TRAF3IP1: variants seen among roughly 807,000 people sequenced by gnomAD.
The protein encoded by TRAF3IP1 is intraflagellar transport 54.
TRAF3IP1 carries 53 observed loss-of-function variants against 89.9 expected under a neutral mutation model. The ratio of observed to expected loss-of-function variants is 0.59; its 90% confidence interval spans 0.47 to 0.74. The LOEUF (loss-of-function observed/expected upper bound fraction) is 0.74. TRAF3IP1 is among the 30% of genes least tolerant of loss of function. The pLI, the probability that TRAF3IP1 is intolerant of heterozygous loss-of-function variation, is 0.00. For missense variants in TRAF3IP1, 806 were observed against 866.1 expected (o/e 0.93, Z 0.87); for synonymous variants, 311 against 322.1 (o/e 0.97, Z 0.37).
intron 15 of TRAF3IP1, among the ~76,000 whole-genome samples, chr2:238,387,615 T>C (rs549553837): frequency 2.6e-5 from 4 of 152,330 alleles, no homozygotes; most frequent in Non-Finnish European, 5.9e-5. Flanking sequence ...TATTGGGACA[T>C]ATATAAGATT....
At chr2:238,365,056 T>A (rs1001413985) in intron 15 of TRAF3IP1, among the ~76,000 whole-genome samples, 1 of 152,256 alleles carries the variant, frequency 6.6e-6, no homozygotes, top group Non-Finnish European at 1.5e-5. Flanking sequence ...GAACAAGTTA[T>A]GTTTTAATTA....
At chr2:238,338,214 CAT>C (rs1295076754) in intron 7 of TRAF3IP1, 146 bp from the exon 8 acceptor site, 10 of 505,448 alleles carry the variant, frequency 2.0e-5, no homozygotes, top group South Asian at 1.1e-4. Context: ...GGAGGGGAAT[CAT>C]GTGGAGGCTG....
chr2:238,358,976 G>A (rs996876783), intron 15 of TRAF3IP1, among the ~76,000 whole-genome samples: 2 of 152,154 alleles, frequency 1.3e-5, no homozygotes, highest in Admixed American at 6.5e-5. Flanking sequence ...GAGCCAGATG[G>A]TCTCTTGCAA....
chr2:238,353,975 C>T (rs986887060), intron 14 of TRAF3IP1, among the ~76,000 whole-genome samples: 3 of 152,126 alleles, frequency 2.0e-5, no homozygotes, highest in Non-Finnish European at 2.9e-5. Context: ...GTTTTCGCTA[C>T]GTTGGCCAGG....
At chr2:238,341,532 C>CTTCTT (rs1559364517) in intron 8 of TRAF3IP1, among the ~76,000 whole-genome samples, 1 of 110,256 alleles carries the variant, frequency 9.1e-6, no homozygotes, top group African/African-American at 4.8e-5. Flanking sequence ...TTTTTCTATT[C>CTTCTT]TTTTTTTTTT....
intron 15 of TRAF3IP1, among the ~76,000 whole-genome samples, chr2:238,378,956 G>T (rs1700435625): frequency 1.3e-5 from 2 of 152,158 alleles, no homozygotes; most frequent in Admixed American, 1.3e-4. Context: ...GAGTAGAAAG[G>T]CCCCAGAGGG....
At position 238,351,904 on chromosome 2, in the gene TRAF3IP1, TGC is replaced by T. The variant is rs1340176683; in HGVS notation, c.1452-921_1452-920del. ...GTGTGCGTGCATGTGCTTGTGTGTA[TGC>T]GTGTGTGTGTGTGTGTGTGTGTATG... On this transcript the variant is annotated intron_variant, in intron 12 of 16. Transcript: ENST00000373327. This position sits in a 1 kb window ranked among gnomAD's most constrained non-coding sequence, Gnocchi z 5.2. 8.0e-5 allele frequency among the ~76,000 whole-genome samples: 12 copies of T among 149,156 alleles called. No homozygotes were observed. The highest frequency in any genetic ancestry group is 3.0e-4 in the African/African-American group (12 of 40,518).
At chr2:238,361,191 C>T (rs1347727344) in intron 15 of TRAF3IP1, among the ~76,000 whole-genome samples, 1 of 151,644 alleles carries the variant, frequency 6.6e-6, no homozygotes, top group African/African-American at 2.4e-5. Context: ...GGACTACAGG[C>T]ACACGCTACC....
chr2:238,323,618 G>T (rs951326485), intron 1 of TRAF3IP1, among the ~76,000 whole-genome samples: 1 of 152,150 alleles, frequency 6.6e-6, no homozygotes, highest in African/African-American at 2.4e-5. Flanking sequence ...TCATTAGGGT[G>T]GGACTGTCTT....
intron 15 of TRAF3IP1, among the ~76,000 whole-genome samples, chr2:238,368,793 T>C (rs948530536): frequency 1.3e-5 from 2 of 152,008 alleles, no homozygotes; most frequent in Non-Finnish European, 2.9e-5. Context: ...GCCTCAGCCT[T>C]CCTAGTAGCT....
At chr2:238,334,425 T>C (rs1391242672) in intron 7 of TRAF3IP1, among the ~76,000 whole-genome samples, 1 of 152,250 alleles carries the variant, frequency 6.6e-6, no homozygotes, top group Non-Finnish European at 1.5e-5. Flanking sequence ...ATAATGTTTA[T>C]GTGTTTAAAA....
intron 15 of TRAF3IP1, among the ~76,000 whole-genome samples, chr2:238,385,955 C>T (rs190855309): frequency 6.6e-6 from 1 of 152,062 alleles, no homozygotes; most frequent in Admixed American, 6.5e-5. Flanking sequence ...TTTCCCTTGT[C>T]GAAGTCAAAT....
In TRAF3IP1 at chr2:238,398,891, A is replaced by G; in HGVS notation, c.2048A>G (p.Tyr683Cys). ...KNEEKIQKMV[Y>C]SINLTSRR ...GAAGAAAAAATCCAGAAAATGGTAT[A>G]TAGTATCAATTTGACTTCGAGAAGG... Residue 683 changes from tyrosine to cysteine, a missense_variant, in exon 17 of 17, where the codon TAT (tyrosine) becomes TGT (cysteine). By Grantham distance (194) the Tyr-to-Cys change is radical. Coordinates refer to ENST00000373327, the MANE Select transcript of TRAF3IP1 (RefSeq NM_015650.4). The G allele has an allele frequency of 6.2e-7, 1 of 1,611,280 alleles. No homozygotes were observed.
In TRAF3IP1 at chr2:238,320,570, C is replaced by T. The variant is rs893320063; in HGVS notation, c.-93C>T. The T allele has an allele frequency of 3.8e-6, 4 of 1,052,646 alleles. No individual in the cohort carries two copies. In the South Asian group the frequency reaches 1.8e-4, roughly 46 times the overall value. The allele number at this position is 1,052,646 out of a possible 1,614,324, so 65.2% of individuals were successfully genotyped here. A position where few individuals can be genotyped will look rare whatever the true frequency, so the allele number is the denominator to read the frequency against. ...GCGTCCTGGCAGGACCGGGCGGCGGCGGCGGCGGGGCCGGCGGCGGCCAGG... is the reference window on the plus strand; with the variant it reads ...GCGTCCTGGCAGGACCGGGCGGCGGTGGCGGCGGGGCCGGCGGCGGCCAGG... On this transcript the variant is annotated 5_prime_UTR_variant, in exon 1 of 17. Coordinates refer to ENST00000373327, the MANE Select transcript of TRAF3IP1 (RefSeq NM_015650.4).
chr2:238,331,919 A>G lies in TRAF3IP1; in HGVS notation c.916-905A>G, dbSNP rs537795353. Reference sequence around the variant, plus strand: ...TTATTTCTGTCTAGTAGAGAGGCTGATGAGATCCTAGGCTACCTCATGGGC... The same window carrying G: ...TTATTTCTGTCTAGTAGAGAGGCTGGTGAGATCCTAGGCTACCTCATGGGC... On this transcript the variant is annotated intron_variant, in intron 5 of 16. Coordinates refer to ENST00000373327, the MANE Select transcript of TRAF3IP1 (RefSeq NM_015650.4). 8.5e-5 allele frequency among the ~76,000 whole-genome samples: 13 copies of G among 152,334 alleles called. No individual in the cohort carries two copies. In the South Asian group the frequency reaches 1.7e-3, roughly 19 times the overall value.
At chr2:238,335,670 G>C (rs1000094366) in intron 7 of TRAF3IP1, among the ~76,000 whole-genome samples, 11 of 152,266 alleles carry the variant, frequency 7.2e-5, no homozygotes, top group African/African-American at 2.6e-4. Flanking sequence ...TCTAACTTCA[G>C]CTTAGTGAAG....
intron 14 of TRAF3IP1, among the ~76,000 whole-genome samples, 192 bp downstream of exon 14, chr2:238,353,401 G>A (rs568016477): frequency 1.3e-5 from 2 of 152,306 alleles, no homozygotes; most frequent in South Asian, 4.1e-4. Context: ...GATGGCTGCT[G>A]CTCCCCATCC....
At chr2:238,366,219 A>G (rs1574946705) in intron 15 of TRAF3IP1, among the ~76,000 whole-genome samples, 1 of 152,166 alleles carries the variant, frequency 6.6e-6, no homozygotes, top group Non-Finnish European at 1.5e-5. Context: ...CTGGGCGACA[A>G]AGCAAGACTC....
At chr2:238,336,584 G>A (rs1475386588) in intron 7 of TRAF3IP1, among the ~76,000 whole-genome samples, 2 of 152,226 alleles carry the variant, frequency 1.3e-5, no homozygotes, top group East Asian at 3.9e-4. Context: ...AATCCAGAAA[G>A]CATTCTGCCT....
Sources: allele counts gnomAD v4.1 joint callset (sites outside exome capture counted in the v4.1 genomes callset), GRCh38; gene constraint gnomAD v4.1.1; non-coding constraint Gnocchi (gnomAD v3.1); transcripts MANE v1.5; gene names NCBI Gene and HGNC (gene_info 2026-07-23, HGNC 2026-07-21).